The following KDM4C variants were observed in gnomAD, a reference collection of about 807,000 sequenced individuals.
The protein encoded by KDM4C is lysine demethylase 4C, also known as lysine-specific demethylase 4C.
A neutral mutation model predicts 129.3 loss-of-function variants in KDM4C; 81 were observed. The observed-to-expected ratio is 0.63, with a 90% CI of 0.52 to 0.75. The LOEUF (loss-of-function observed/expected upper bound fraction) is 0.75, where lower values mean the gene tolerates loss of function less well. Among genes scored for constraint, KDM4C ranks in the 30% least tolerant of loss-of-function variants. The probability of loss-of-function intolerance (pLI) is 0.00; values close to 1 mark genes in which losing one functional copy is unlikely to be tolerated. For missense variants in KDM4C, 1,457 were observed against 1,304.0 expected (o/e 1.12, Z -1.81); for synonymous variants, 573 against 456.1 (o/e 1.26, Z -3.26).
At chr9:7,026,449 G>C (rs777000319) in intron 15 of KDM4C, among the ~76,000 whole-genome samples, 2 of 152,020 alleles carry the variant, frequency 1.3e-5, no homozygotes, top group Non-Finnish European at 2.9e-5. Flanking sequence ...TCTGCTGCCA[G>C]ACAGACATAT....
In KDM4C at chr9:7,032,254, T is replaced by C. The variant is rs895631829; in HGVS notation, c.2260-14608T>C. Among the ~76,000 whole-genome samples, 5 of 152,232 alleles carry C rather than the reference T, an allele frequency of 3.3e-5. No homozygotes were observed. The East Asian group carries it at 9.6e-4, about 29-fold the overall frequency. On this transcript the variant is annotated intron_variant, in intron 15 of 21. Coordinates refer to ENST00000381309, the MANE Select transcript of KDM4C (RefSeq NM_015061.6). ...CAACCTAACTCCATTCAGTTGAATC[T>C]GAAGGCAACTTTCTGTCCTGTCTAC...
chr9:6,846,692 C>T (rs1382624334), intron 4 of KDM4C, among the ~76,000 whole-genome samples: 2 of 152,090 alleles, frequency 1.3e-5, no homozygotes, highest in South Asian at 2.1e-4. Flanking sequence ...TGCCCATTAA[C>T]GGGGAGAAAT....
intron 19 of KDM4C, among the ~76,000 whole-genome samples, chr9:7,155,987 C>T (rs900223454): frequency 1.2e-4 from 18 of 152,276 alleles, no homozygotes; most frequent in Admixed American, 7.8e-4. Flanking sequence ...AGTGTAAAAG[C>T]GTTCCTATTT....
chr9:6,736,396 G>A lies in KDM4C; in HGVS notation c.49+15399G>A, dbSNP rs142377204. Among the ~76,000 whole-genome samples the A allele has an allele frequency of 8.2e-3, 1,245 of 152,260 alleles. 12 individuals are homozygous for A. The highest frequency in any genetic ancestry group is 0.028 in the African/African-American group (1,175 of 41,552). ...CAGCCCCTCCCATCACAGGTCCAGA[G>A]GCCTAGGAGGAAAAAGTGGTTCTGT... On this transcript the variant is annotated intron_variant, in intron 1 of 17. Coordinates refer to the KDM4C transcript ENST00000536108.
chr9:7,014,120 A>T, intron 14 of KDM4C, 119 bp downstream of exon 14: 1 of 737,790 alleles, frequency 1.4e-6, no homozygotes, highest in Non-Finnish European at 2.2e-6. Context: ...CTTAATGGTT[A>T]TATCATTCTT....
intron 17 of KDM4C, among the ~76,000 whole-genome samples, chr9:7,077,457 T>C (rs1834053846): frequency 6.6e-6 from 1 of 152,244 alleles, no homozygotes; most frequent in South Asian, 2.1e-4. Flanking sequence ...TTGGCAGCTC[T>C]GCACTAGGCC....
At chr9:6,986,865 A>G (rs188906837) in intron 11 of KDM4C, 199 bp downstream of exon 11, 9 of 493,314 alleles carry the variant, frequency 1.8e-5, no homozygotes, top group Admixed American at 3.6e-5. Flanking sequence ...AATTTAGCAC[A>G]TGGAGCTTAT....
chr9:7,075,617 C>G (rs545194222), intron 17 of KDM4C, among the ~76,000 whole-genome samples: 2 of 152,272 alleles, frequency 1.3e-5, no homozygotes, highest in African/African-American at 4.8e-5. Context: ...AGCCTGAGGT[C>G]CTCACCACAT....
chr9:7,139,358 A>G lies in KDM4C; in HGVS notation c.2781+11122A>G, dbSNP rs566654939. The stretch of plus-strand genomic sequence containing the variant: ...CATTCTTTTCCCCTGAGTAACAGAT[A>G]ATATTGAATCATCTAAAGCAGCTTC... On this transcript the variant is annotated intron_variant, in intron 19 of 21. Transcript: ENST00000381309. 3.3e-5 allele frequency among the ~76,000 whole-genome samples: 5 copies of G among 152,314 alleles called. No homozygotes were observed. The South Asian group carries it at 8.3e-4, about 25-fold the overall frequency.
In KDM4C at chr9:6,763,149, A is replaced by T. The variant is rs372381345; in HGVS notation, c.-18+4946A>T. 3.4e-4 allele frequency among the ~76,000 whole-genome samples: 52 copies of T among 152,164 alleles called. No homozygotes were observed. In the Middle Eastern group the frequency reaches 0.017, roughly 50 times the overall value. On this transcript the variant is annotated intron_variant, in intron 1 of 21. Coordinates refer to ENST00000381309, the MANE Select transcript of KDM4C (RefSeq NM_015061.6). ...CAGAATAATTCCTTTAAGGAAGCCT[A>T]TCCCCCCTGCTCCTGCTTCAAGGCT...
At chr9:6,986,728 A>G (rs1817783025) in intron 11 of KDM4C, 62 bp downstream of exon 11, 3 of 1,227,340 alleles carry the variant, frequency 2.4e-6, no homozygotes, top group East Asian at 2.5e-5. Context: ...TTTTGAAAAC[A>G]ACATGCTGTG....
intron 20 of KDM4C, among the ~76,000 whole-genome samples, chr9:7,167,289 AG>A (rs1844486932): frequency 6.6e-6 from 1 of 152,164 alleles, no homozygotes; most frequent in South Asian, 2.1e-4. Context: ...CCCTGATTTT[AG>A]TACTGAAAAT....
chr9:7,162,440 A>G (rs898021701), intron 19 of KDM4C, among the ~76,000 whole-genome samples: 7 of 152,210 alleles, frequency 4.6e-5, no homozygotes, highest in Admixed American at 4.6e-4. Context: ...GTGAAAGGTG[A>G]ATTTACAATT....
intron 6 of KDM4C, among the ~76,000 whole-genome samples, chr9:6,885,401 C>CA (rs1845100627): frequency 6.6e-6 from 1 of 152,170 alleles, no homozygotes; most frequent in African/African-American, 2.4e-5. Context: ...TGAGATCCTA[C>CA]ACACTTCTCT....
chr9:7,160,753 G>A (rs1423071498), intron 19 of KDM4C, among the ~76,000 whole-genome samples: 1 of 152,198 alleles, frequency 6.6e-6, no homozygotes, highest in Non-Finnish European at 1.5e-5. Context: ...TACCTCTACT[G>A]GGAGTTGTCT....
At chr9:7,121,287 C>A (rs562944353) in intron 18 of KDM4C, among the ~76,000 whole-genome samples, 34 of 152,306 alleles carry the variant, frequency 2.2e-4, no homozygotes, top group African/African-American at 7.9e-4. Context: ...TGGCTGGGTT[C>A]TCTCACAGGT....
chr9:6,836,668 T>G (rs1835942736), intron 4 of KDM4C, among the ~76,000 whole-genome samples: 1 of 152,196 alleles, frequency 6.6e-6, no homozygotes, highest in Non-Finnish European at 1.5e-5. Context: ...TTTGGCTTAT[T>G]TTTGACCTTA....
chr9:6,998,652 T>G (rs539678304), intron 12 of KDM4C, among the ~76,000 whole-genome samples: 2 of 152,204 alleles, frequency 1.3e-5, no homozygotes, highest in South Asian at 4.1e-4. Context: ...AAAAATTAGC[T>G]GAGTGTGGTG....
At chr9:6,933,377 A>C (rs1824118651) in intron 8 of KDM4C, among the ~76,000 whole-genome samples, 1 of 152,192 alleles carries the variant, frequency 6.6e-6, no homozygotes, top group Non-Finnish European at 1.5e-5. Flanking sequence ...TATCTACTAC[A>C]TGCACTGCTT....
Sources: allele counts gnomAD v4.1 joint callset (sites outside exome capture counted in the v4.1 genomes callset), GRCh38; gene constraint gnomAD v4.1.1; transcripts MANE v1.5; gene names NCBI Gene and HGNC (gene_info 2026-07-23, HGNC 2026-07-21).